Variants in CTSB observed in about 807,000 individuals in gnomAD.
The protein encoded by CTSB is cathepsin B, also known as APP secretase.
CTSB carries 57 observed loss-of-function variants against 44.3 expected under a neutral mutation model. That is an observed-to-expected ratio of 1.29 (90% CI 1.04 to 1.60). The LOEUF (loss-of-function observed/expected upper bound fraction) is 1.60. CTSB is among the 40% of genes most tolerant of loss of function. The pLI is 0.00. For missense variants in CTSB, 768 were observed against 443.0 expected, an observed-to-expected ratio of 1.73 and a Z score of -6.59; for synonymous variants, 320 against 168.0, an observed-to-expected ratio of 1.91 and a Z score of -7.00.
chr8:11,847,532 G>C (rs1563386740), intron 7 of CTSB, 147 bp downstream of exon 7: 1 of 868,322 alleles, frequency 1.2e-6, no homozygotes, highest in East Asian at 2.7e-5. Context: ...TGCTTCTCCT[G>C]GCAAGAGGGC....
intron 1 of CTSB, among the ~76,000 whole-genome samples, chr8:11,866,865 G>C (rs1259711863): frequency 6.6e-6 from 1 of 152,158 alleles, no homozygotes; most frequent in Non-Finnish European, 1.5e-5. Context: ...GCCCTCTTAG[G>C]CCTCTTCGCC....
chr8:11,851,123 C>T, intron 3 of CTSB, 143 bp from the exon 4 acceptor site: 5 of 345,554 alleles, frequency 1.4e-5, no homozygotes, highest in South Asian at 6.9e-5. Flanking sequence ...GACAGGTGTC[C>T]TTGGTAATTT....
chr8:11,845,237 T>C lies in CTSB; in HGVS notation c.923-15A>G. 1 of 1,587,356 alleles carries C rather than the reference T, an allele frequency of 6.3e-7. No individual in the cohort carries two copies. Among genetic ancestry groups the C allele is most frequent in the Non-Finnish European group, 8.7e-7 (1 of 1,155,942 alleles). On this transcript the variant is annotated splice_polypyrimidine_tract_variant and intron_variant, in intron 9 of 9. Coordinates refer to ENST00000353047, the MANE Select transcript of CTSB (RefSeq NM_001908.5). ...TTTAAAGAAGCCTGGGAATAAAAAG[T>C]AAGGTGCTTTTAAAGTGTGACAAGG...
At chr8:11,848,668 C>T in intron 5 of CTSB, 1 of 306,868 alleles carries the variant, frequency 3.3e-6, no homozygotes, top group South Asian at 3.2e-5. Context: ...AGTTCTGTGC[C>T]ACCACCTTGT....
At chr8:11,852,863 T>C (rs1814849037) in intron 2 of CTSB, among the ~76,000 whole-genome samples, 168 bp from the exon 3 acceptor site, 1 of 151,730 alleles carries the variant, frequency 6.6e-6, no homozygotes, top group South Asian at 2.1e-4. Context: ...ACGGGCAGAG[T>C]GGGTGTCTCC....
At chr8:11,860,556 G>A (rs1439921584) in intron 1 of CTSB, among the ~76,000 whole-genome samples, 1 of 152,194 alleles carries the variant, frequency 6.6e-6, no homozygotes, top group Non-Finnish European at 1.5e-5. Context: ...CCCAGGAGGT[G>A]GAGGCTGCAG....
intron 8 of CTSB, chr8:11,846,287 G>GCT (rs1290851048): frequency 6.6e-6 from 1 of 152,434 alleles, no homozygotes; most frequent in African/African-American, 2.4e-5. Flanking sequence ...GCCCAACCAG[G>GCT]CTCTCGGGTG....
rs867181686 is a variant in CTSB at position 11,868,062 on chromosome 8, G to C, written c.-87C>G. 1.3e-5 allele frequency: 2 copies of C among 152,592 alleles called. No homozygotes were observed. The highest frequency in any genetic ancestry group is 4.8e-5 in the African/African-American group (2 of 41,410). The allele number at this position is 152,592 out of a possible 1,614,324, so 9.5% of individuals were successfully genotyped here. On this transcript the variant is annotated 5_prime_UTR_variant, in exon 1 of 10. Coordinates refer to ENST00000353047, the MANE Select transcript of CTSB (RefSeq NM_001908.5). Reference sequence around the variant, plus strand: ...GCGCAGCGGAGCGGTTGGCGTTGCCGGAGCGGTTGCCGGAGCCCTGCAGCC... The same window carrying C: ...GCGCAGCGGAGCGGTTGGCGTTGCCCGAGCGGTTGCCGGAGCCCTGCAGCC...
Position 11,847,755 on chromosome 8 carries a change from C to T in CTSB, c.600G>A (p.Gly200=), listed in dbSNP as rs367671337. The change falls in exon 7 of 10, where the codon GGG becomes GGA. Residue 200 remains glycine (G), a synonymous_variant. Coordinates refer to ENST00000353047, the MANE Select transcript of CTSB (RefSeq NM_001908.5). Reference sequence around the variant, plus strand: ...TGCTACACTTGGGGGTATCTCCCTCCCCCGTGCATGGGGGCCGGGAGCCGT... The same window carrying T: ...TGCTACACTTGGGGGTATCTCCCTCTCCCGTGCATGGGGGCCGGGAGCCGT... The part of the protein sequence containing the change: ...HVNGSRPPCT[G]EGDTPKCSKI... 15 of 1,601,424 alleles carry T rather than the reference C, an allele frequency of 9.4e-6. No homozygotes were observed. In the African/African-American group the frequency reaches 1.5e-4, roughly 16 times the overall value.
chr8:11,850,529 C>T (rs1283923875), intron 4 of CTSB: 1 of 181,350 alleles, frequency 5.5e-6, no homozygotes, highest in Non-Finnish European at 1.1e-5. Flanking sequence ...AAAATTAAGA[C>T]AGCTCACTGA....
intron 1 of CTSB, among the ~76,000 whole-genome samples, chr8:11,863,242 T>C (rs1450990481): frequency 6.6e-6 from 1 of 152,148 alleles, no homozygotes; most frequent in African/African-American, 2.4e-5. Context: ...AGGCAGATCA[T>C]GAGCTCAGGA....
At position 11,847,048 on chromosome 8, in the gene CTSB, G is replaced by T. The variant is rs765995442; in HGVS notation, c.793+4C>A. 17 of 1,050,422 alleles carry T rather than the reference G, an allele frequency of 1.6e-5. No homozygotes were observed. The highest frequency in any genetic ancestry group is 2.4e-5 in the Non-Finnish European group (17 of 720,020). 65.1% of individuals were successfully genotyped at this position (1,050,422 alleles called of 1,614,324 possible). On this transcript the variant is annotated splice_donor_region_variant and intron_variant, in intron 8 of 9. Coordinates refer to ENST00000353047, the MANE Select transcript of CTSB (RefSeq NM_001908.5). The stretch of plus-strand genomic sequence containing the variant: ...CTCTATTGCCATCAGCCATCAGCAC[G>T]CACCTGACTTGTAGAGCAGGAAGTC...
Position 11,843,447 on chromosome 8 carries a change from C to G in CTSB, c.*1678G>C, listed in dbSNP as rs1369975315. 6.6e-6 allele frequency: 1 copy of G among 152,218 alleles called. No homozygotes were observed. Among genetic ancestry groups the G allele is most frequent in the Non-Finnish European group, 1.5e-5 (1 of 68,068 alleles). The allele number at this position is 152,218 out of a possible 1,614,324, so 9.4% of individuals were successfully genotyped here. On this transcript the variant is annotated 3_prime_UTR_variant, in exon 10 of 10. Coordinates refer to ENST00000353047, the MANE Select transcript of CTSB (RefSeq NM_001908.5). ...AGTACTGAGGTGTACCTTGGCAGGA[C>G]AGTGGAATGATTGCTGGTTCTTCTA... is the stretch of plus-strand genomic sequence containing the variant.
intron 4 of CTSB, chr8:11,849,875 C>T (rs569027019): frequency 1.3e-5 from 2 of 151,934 alleles, no homozygotes; most frequent in African/African-American, 2.4e-5. Context: ...GCTACCGTAC[C>T]TGGCTGTGTT....
intron 2 of CTSB, 96 bp from the exon 3 acceptor site, chr8:11,852,791 G>T: frequency 8.4e-7 from 1 of 1,197,406 alleles, no homozygotes; most frequent in East Asian, 2.4e-5. Flanking sequence ...GAAAACCAGA[G>T]ACCCTACCCA....
At chr8:11,853,713 G>A in intron 1 of CTSB, 1 of 468,772 alleles carries the variant, frequency 2.1e-6, no homozygotes, top group African/African-American at 1.9e-5. Flanking sequence ...AGAGAGCCAA[G>A]GGGCTGTGCT....
intron 2 of CTSB, 104 bp from the exon 3 acceptor site, chr8:11,852,799 C>A: frequency 9.9e-7 from 1 of 1,008,594 alleles, no homozygotes; most frequent in Non-Finnish European, 1.5e-6. Context: ...GAGACCCTAC[C>A]CAATTCAAGG....
intron 1 of CTSB, among the ~76,000 whole-genome samples, chr8:11,866,394 G>A (rs1227329485): frequency 6.6e-6 from 1 of 152,232 alleles, no homozygotes; most frequent in South Asian, 2.1e-4. Flanking sequence ...TGCCACCTGG[G>A]GAGCAAGGGA....
At chr8:11,864,416 G>T (rs116026323) in intron 1 of CTSB, 4 of 151,334 alleles carry the variant, frequency 2.6e-5, no homozygotes, top group Admixed American at 1.3e-4. Context: ...GCTTACATCT[G>T]GGTGGCTGAG....
Sources: allele counts gnomAD v4.1 joint callset (sites outside exome capture counted in the v4.1 genomes callset), GRCh38; gene constraint gnomAD v4.1.1; transcripts MANE v1.5; gene names NCBI Gene and HGNC (gene_info 2026-07-23, HGNC 2026-07-21).